The following MAD1L1 variants were observed in gnomAD, a reference collection of about 807,000 sequenced individuals.
MAD1L1 encodes the protein mitotic arrest deficient 1 like 1.
In MAD1L1, 95 loss-of-function variants were observed where a neutral mutation model predicts 96.9. The ratio of observed to expected loss-of-function variants is 0.98; its 90% CI spans 0.83 to 1.16. The LOEUF is 1.16. MAD1L1 is among the 50% of genes most tolerant of loss of function. MAD1L1 has a pLI of 0.00. For synonymous variants in MAD1L1, 473 were observed against 396.6 expected, an observed-to-expected ratio of 1.19 and a Z score of -2.29; for missense variants, 1,007 against 954.4, an observed-to-expected ratio of 1.06 and a Z score of -0.73.
In MAD1L1 at chr7:2,193,906, G is replaced by A. The variant is rs74700370; in HGVS notation, c.986+19306C>T. 8.8e-3 allele frequency among the ~76,000 whole-genome samples: 1,315 copies of A among 149,644 alleles called. 21 individuals are homozygous for A. The highest frequency in any genetic ancestry group is 0.03 in the African/African-American group (1,229 of 40,714). Reference sequence around the variant, plus strand: ...AGGCTCTGCATGGGAAAGAAAAGCTGCAGGGAAAAGGCAGCAAGGCTCTGC... The same window carrying A: ...AGGCTCTGCATGGGAAAGAAAAGCTACAGGGAAAAGGCAGCAAGGCTCTGC... On this transcript the variant is annotated intron_variant, in intron 10 of 18. Coordinates refer to ENST00000265854, the MANE Select transcript of MAD1L1 (RefSeq NM_001013836.2).
At position 2,021,626 on chromosome 7, in the gene MAD1L1, A is replaced by G. The variant is rs1031783651; in HGVS notation, c.1219-6984T>C. Among the ~76,000 whole-genome samples the G allele has an allele frequency of 2.0e-5, 3 of 152,224 alleles. No homozygotes were observed. In the East Asian group the frequency reaches 5.8e-4, roughly 30 times the overall value. On this transcript the variant is annotated intron_variant, in intron 12 of 18. Transcript: ENST00000265854. ...CTGAAAGTAGAAAAGTTAGCTGGGC[A>G]TGGTAATAGGCGCCTGTAATCCCAG... is the stretch of plus-strand genomic sequence containing the variant.
At chr7:1,927,892 G>T (rs935117730) in intron 17 of MAD1L1, among the ~76,000 whole-genome samples, 1 of 152,096 alleles carries the variant, frequency 6.6e-6, no homozygotes, top group Non-Finnish European at 1.5e-5. Flanking sequence ...TCACGGGCTG[G>T]GAGAAGATAT....
At chr7:2,104,298 A>AT (rs1786969383) in intron 11 of MAD1L1, among the ~76,000 whole-genome samples, 1 of 152,228 alleles carries the variant, frequency 6.6e-6, no homozygotes, top group African/African-American at 2.4e-5. Context: ...CTGAAGGCAG[A>AT]TGAGGCCCCG....
chr7:2,184,595 T>C (rs1791370821), intron 10 of MAD1L1, among the ~76,000 whole-genome samples: 1 of 152,204 alleles, frequency 6.6e-6, no homozygotes, highest in African/African-American at 2.4e-5. Flanking sequence ...GCACATGAGA[T>C]GTGGATGTGA....
intron 11 of MAD1L1, among the ~76,000 whole-genome samples, chr7:2,140,324 T>G (rs1211381263): frequency 6.6e-6 from 1 of 152,176 alleles, no homozygotes; most frequent in Non-Finnish European, 1.5e-5. Context: ...CCTGCACATG[T>G]TCTTACACAG....
intron 17 of MAD1L1, among the ~76,000 whole-genome samples, chr7:1,911,837 G>A (rs1393517296): frequency 6.6e-6 from 1 of 152,240 alleles, no homozygotes; most frequent in Non-Finnish European, 1.5e-5. Flanking sequence ...CCTGGACTGG[G>A]TCTGAACCTC....
At chr7:2,144,566 C>T (rs542165180) in intron 11 of MAD1L1, among the ~76,000 whole-genome samples, 10 of 152,258 alleles carry the variant, frequency 6.6e-5, no homozygotes, top group South Asian at 4.1e-4. Context: ...AGCATGGCCA[C>T]GGGCTGGGCC....
At chr7:2,058,450 C>T (rs1221935976) in intron 12 of MAD1L1, among the ~76,000 whole-genome samples, 1 of 46,976 alleles carries the variant, frequency 2.1e-5, no homozygotes, top group Admixed American at 2.4e-4. Context: ...AGGAGAGGCG[C>T]GAGGCTGGAG....
intron 11 of MAD1L1, 23 bp from the exon 12 acceptor site, chr7:2,069,361 C>T (rs1461201281): frequency 1.3e-6 from 2 of 1,561,982 alleles, no homozygotes; most frequent in Admixed American, 1.8e-5. Context: ...GACAAGAGGG[C>T]AAAGCAATGA....
In MAD1L1 at chr7:1,815,995, C is replaced by A; in HGVS notation, c.*75G>T. 6.7e-7 allele frequency: 1 copy of A among 1,494,162 alleles called. No individual in the cohort carries two copies. Among genetic ancestry groups the A allele is most frequent in the South Asian group, 1.3e-5 (1 of 77,286 alleles). 92.6% of individuals were successfully genotyped at this position (1,494,162 alleles called of 1,614,324 possible). ...TGGAGAGGCAGGACGTGCACCCAGC[C>A]TGTGGCTGGCGGGGCAGGGGACCTG... On this transcript the variant is annotated 3_prime_UTR_variant, in exon 19 of 19. Transcript: ENST00000265854.
At chr7:2,007,574 C>T (rs1389374225) in intron 13 of MAD1L1, among the ~76,000 whole-genome samples, 2 of 152,112 alleles carry the variant, frequency 1.3e-5, no homozygotes, top group Admixed American at 6.5e-5. Context: ...CTCAGGATAC[C>T]AAGGCAGGAG....
intron 17 of MAD1L1, among the ~76,000 whole-genome samples, chr7:1,925,535 G>C (rs1001439577): frequency 3.9e-5 from 6 of 152,200 alleles, no homozygotes; most frequent in African/African-American, 7.2e-5. Flanking sequence ...CAGATACAGA[G>C]AGCCAACTAA....
intron 17 of MAD1L1, among the ~76,000 whole-genome samples, chr7:1,899,006 G>A (rs1229065789): frequency 6.6e-6 from 1 of 152,212 alleles, no homozygotes; most frequent in African/African-American, 2.4e-5. Flanking sequence ...GGACGTTCCG[G>A]ATCCTACTGC....
chr7:1,839,081 C>T (rs572584911), intron 18 of MAD1L1, among the ~76,000 whole-genome samples: 126 of 152,306 alleles, frequency 8.3e-4, no homozygotes, highest in African/African-American at 2.8e-3. Flanking sequence ...CAGCTGCCTC[C>T]GTGCCCTGGG....
chr7:2,132,330 T>C (rs1254160674), intron 11 of MAD1L1, among the ~76,000 whole-genome samples: 1 of 152,206 alleles, frequency 6.6e-6, no homozygotes, highest in Admixed American at 6.5e-5. Flanking sequence ...ACTTGTCATG[T>C]CTTACATTCT....
chr7:1,998,878 A>T (rs1331022447), intron 14 of MAD1L1, among the ~76,000 whole-genome samples: 1 of 150,908 alleles, frequency 6.6e-6, no homozygotes, highest in Non-Finnish European at 1.5e-5. Context: ...CAGTCCACAG[A>T]GTCCCCTAAC....
In MAD1L1 at chr7:1,947,161, G is replaced by A. The variant is rs187817201; in HGVS notation, c.1597-10264C>T. ...CAGGAAAGCCCTGAGCCCACGCCCT[G>A]GTGCGTGCAGGAGCTGGGTGCCATG... On this transcript the variant is annotated intron_variant, in intron 16 of 18. Coordinates refer to ENST00000265854, the MANE Select transcript of MAD1L1 (RefSeq NM_001013836.2). Among the ~76,000 whole-genome samples the A allele has an allele frequency of 2.4e-4, 37 of 152,344 alleles. 1 individual carries two copies. Among genetic ancestry groups the A allele is most frequent in the Admixed American group, 2.4e-3 (37 of 15,304 alleles).
intron 10 of MAD1L1, among the ~76,000 whole-genome samples, chr7:2,203,795 AC>A (rs757021071): frequency 1.6e-4 from 24 of 152,200 alleles, no homozygotes; most frequent in Non-Finnish European, 1.9e-4. Flanking sequence ...AGAACGACAC[AC>A]AGGAAACTCA....
At chr7:1,881,659 G>GTA (rs1562485451) in intron 18 of MAD1L1, among the ~76,000 whole-genome samples, 2 of 152,190 alleles carry the variant, frequency 1.3e-5, no homozygotes, top group African/African-American at 4.8e-5. Flanking sequence ...TTAATTGAGC[G>GTA]TAAAATGCTC....
Sources: allele counts gnomAD v4.1 joint callset (sites outside exome capture counted in the v4.1 genomes callset), GRCh38; gene constraint gnomAD v4.1.1; transcripts MANE v1.5; gene names NCBI Gene and HGNC (gene_info 2026-07-23, HGNC 2026-07-21).